Variants in ACSM2A observed in about 807,000 individuals in gnomAD.
The protein encoded by ACSM2A is acyl-CoA synthetase medium chain family member 2A.
A neutral mutation model predicts 76.6 loss-of-function variants in ACSM2A; 72 were observed. That is an observed-to-expected ratio of 0.94 (90% CI 0.78 to 1.14). The LOEUF (loss-of-function observed/expected upper bound fraction) is 1.14, where lower values mean the gene tolerates loss of function less well. ACSM2A is among the 50% of genes most tolerant of loss of function. The pLI, the probability that ACSM2A is intolerant of heterozygous loss-of-function variation, is 0.00. For missense variants in ACSM2A, 684 were observed against 708.5 expected, an observed-to-expected ratio of 0.97 and a Z score of 0.39; for synonymous variants, 249 against 255.9, an observed-to-expected ratio of 0.97 and a Z score of 0.26.
chr16:20,469,819 G>A (rs528064397), intron 4 of ACSM2A, 100 bp downstream of exon 4: 4 of 1,495,994 alleles, frequency 2.7e-6, no homozygotes, highest in East Asian at 2.5e-5. Context: ...AGAAAGAACA[G>A]CATGGGACTA....
rs2141742180 is a variant in ACSM2A, at chr16:20,475,783, C to T, written c.1098+10C>T. On this transcript the variant is annotated intron_variant, in intron 8 of 13. Transcript: ENST00000573854. ...TGGCCAGACAGAAACGGTACCTGTT[C>T]CCAGGGGAACCATGGGCTGTGTGCA... 1.2e-6 allele frequency: 2 copies of T among 1,613,086 alleles called. No homozygotes were observed. Among genetic ancestry groups the T allele is most frequent in the East Asian group, 4.5e-5 (2 of 44,872 alleles).
intron 2 of ACSM2A, among the ~76,000 whole-genome samples, chr16:20,463,112 A>T (rs1201476414): frequency 1.3e-5 from 2 of 150,438 alleles, no homozygotes; most frequent in Non-Finnish European, 3.0e-5. Context: ...GGATAACATT[A>T]GGCGATATAC....
At chr16:20,470,458 T>C (rs2141722291) in intron 4 of ACSM2A, among the ~76,000 whole-genome samples, 1 of 152,328 alleles carries the variant, frequency 6.6e-6, no homozygotes, top group South Asian at 2.1e-4. Context: ...GAAATCCCTC[T>C]AGCAGGGGCA....
intron 9 of ACSM2A, 51 bp from the exon 10 acceptor site, chr16:20,478,525 A>G (rs779074215): frequency 6.3e-7 from 1 of 1,584,664 alleles, no homozygotes; most frequent in East Asian, 2.3e-5. Context: ...GATGCCATTG[A>G]AGCCATCTCC....
intron 4 of ACSM2A, among the ~76,000 whole-genome samples, chr16:20,470,558 C>A (rs1424843725): frequency 6.6e-6 from 1 of 152,188 alleles, no homozygotes; most frequent in Non-Finnish European, 1.5e-5. Flanking sequence ...TAAACACCAT[C>A]ATGCCTGCTT....
At chr16:20,464,228 G>T (rs35451113) in intron 2 of ACSM2A, among the ~76,000 whole-genome samples, 11,000 of 152,102 alleles carry the variant, frequency 0.072, 593 homozygotes, top group East Asian at 0.19. Context: ...CAAACTCTTC[G>T]ATTTCTTCCC....
chr16:20,475,877 A>C, intron 8 of ACSM2A, 104 bp downstream of exon 8: 1 of 1,563,562 alleles, frequency 6.4e-7, no homozygotes, highest in South Asian at 1.2e-5. Context: ...CATCTATTCG[A>C]GAAGTATTTA....
intron 6 of ACSM2A, among the ~76,000 whole-genome samples, 165 bp from the exon 7 acceptor site, chr16:20,475,197 A>G: frequency 6.6e-6 from 1 of 152,242 alleles, no homozygotes; most frequent in Non-Finnish European, 1.5e-5. Flanking sequence ...TTCAGGGTGC[A>G]TGAGAGTTGT....
intron 9 of ACSM2A, among the ~76,000 whole-genome samples, chr16:20,477,852 T>G (rs1488763549): frequency 6.6e-6 from 1 of 152,202 alleles, no homozygotes; most frequent in African/African-American, 2.4e-5. Context: ...GTAAATAGTA[T>G]ATATCCACTG....
At position 20,460,182 on chromosome 16, in the gene ACSM2A, T is replaced by C. The variant is rs1417294632; in HGVS notation, c.68T>C (p.Leu23Pro). Residue 23 changes from leucine to proline, a missense_variant, in exon 2 of 14, where the codon CTC becomes CCC. By Grantham distance (98) the Leu-to-Pro change is moderately conservative. Transcript: ENST00000573854. ...LWGTQMSSRTLYINSRQLVSL... is the reference protein window; with the variant it reads ...LWGTQMSSRTPYINSRQLVSL... ...GGTACTCAGATGTCCAGCCGCACTC[T>C]CTACATTAATAGTAGGCAACTGGTG... 1.2e-6 allele frequency: 2 copies of C among 1,613,430 alleles called. No individual in the cohort carries two copies. Among genetic ancestry groups the C allele is most frequent in the East Asian group, 2.2e-5 (1 of 44,846 alleles).
At chr16:20,462,182 G>A (rs910275662) in intron 2 of ACSM2A, among the ~76,000 whole-genome samples, 1 of 152,164 alleles carries the variant, frequency 6.6e-6, no homozygotes, top group Non-Finnish European at 1.5e-5. Flanking sequence ...TACAAAGTGT[G>A]ACTTCTGGTT....
At chr16:20,457,704 A>C (rs1879153567) in intron 1 of ACSM2A, among the ~76,000 whole-genome samples, 1 of 152,146 alleles carries the variant, frequency 6.6e-6, no homozygotes, top group South Asian at 2.1e-4. Context: ...CCCACAGGCA[A>C]CATAATAGTG....
At chr16:20,461,126 G>C (rs1202362331) in intron 2 of ACSM2A, among the ~76,000 whole-genome samples, 1 of 146,014 alleles carries the variant, frequency 6.8e-6, no homozygotes, top group African/African-American at 2.6e-5. Context: ...ATTCTGGCTA[G>C]GGTAGGGGAA....
chr16:20,457,868 G>A (rs949845868), intron 1 of ACSM2A, among the ~76,000 whole-genome samples: 3 of 152,014 alleles, frequency 2.0e-5, no homozygotes, highest in African/African-American at 7.2e-5. Flanking sequence ...TAAAGAGGAA[G>A]TCATACAGTA....
chr16:20,476,477 C>T lies in ACSM2A; in HGVS notation c.1098+704C>T, dbSNP rs13335552. ...TGGAAGAACTTTTGCAGAAGGTTGA[C>T]GGCAGCTCTGTGGTATGAAAGAGCC... On this transcript the variant is annotated intron_variant, in intron 8 of 13. Coordinates refer to ENST00000573854, the MANE Select transcript of ACSM2A (RefSeq NM_001308172.2). The T allele has an allele frequency of 5.8e-3, 5,737 of 985,352 alleles. 242 individuals carry two copies. In the African/African-American group the frequency reaches 0.09, roughly 15 times the overall value. 61.0% of individuals were successfully genotyped at this position (985,352 alleles called of 1,614,324 possible). A position where few individuals can be genotyped will look rare whatever the true frequency, so the allele number is the denominator to read the frequency against.
intron 6 of ACSM2A, among the ~76,000 whole-genome samples, chr16:20,474,377 T>C (rs72778603): frequency 0.029 from 4,444 of 152,200 alleles, 80 homozygotes; most frequent in Non-Finnish European, 0.043. Flanking sequence ...GGGTCTGTTA[T>C]ATAAAAAGCC....
chr16:20,460,069 A>G (rs1257344979), intron 1 of ACSM2A, 38 bp from the exon 2 acceptor site: 1 of 1,565,056 alleles, frequency 6.4e-7, no homozygotes. Flanking sequence ...GCAATCTGTT[A>G]AAGAAGCTCT....
At chr16:20,477,842 G>T (rs1022722541) in intron 9 of ACSM2A, among the ~76,000 whole-genome samples, 5 of 151,806 alleles carry the variant, frequency 3.3e-5, no homozygotes, top group Admixed American at 2.6e-4. Context: ...TAATGATGTA[G>T]TAAATAGTAT....
chr16:20,481,046 C>G, intron 12 of ACSM2A, 125 bp downstream of exon 12: 2 of 1,211,666 alleles, frequency 1.7e-6, no homozygotes, highest in Non-Finnish European at 2.3e-6. Context: ...CTGCCACTTA[C>G]TAGCTATGTG....
Sources: gnomAD v4.1 joint callset for allele counts (sites outside exome capture counted in the v4.1 genomes callset) on GRCh38, gnomAD v4.1.1 for gene constraint, MANE v1.5 for transcripts, NCBI Gene and HGNC (gene_info 2026-07-23, HGNC 2026-07-21) for gene names.